DET1: variants seen among roughly 807,000 people sequenced by gnomAD.
The protein encoded by DET1 is DET1 partner of COP1 E3 ubiquitin ligase, also known as DET1 homolog.
A neutral mutation model predicts 43.7 loss-of-function variants in DET1; 22 were observed. That is an observed-to-expected ratio of 0.50 (90% confidence interval 0.36 to 0.72). The LOEUF (loss-of-function observed/expected upper bound fraction) is 0.72. Ranked by LOEUF, DET1 falls within the 30% of genes least tolerant of loss-of-function variation. DET1 has a pLI of 0.00. For missense variants in DET1, 713 were observed against 713.3 expected (o/e 1.00, Z 0.00); for synonymous variants, 315 against 266.2 (o/e 1.18, Z -1.79).
chr15:88,512,480 T>C lies in DET1; in HGVS notation c.*471A>G. Reference sequence around the variant, plus strand: ...TAAAGCAGTCATCCAACCACATATATTTAAGTATGAAAATACCATGGCTTT... The same window carrying C: ...TAAAGCAGTCATCCAACCACATATACTTAAGTATGAAAATACCATGGCTTT... On this transcript the variant is annotated 3_prime_UTR_variant, in exon 5 of 5. Transcript: ENST00000268148. The C allele has an allele frequency of 1.0e-6, 1 of 986,908 alleles. No individual in the cohort carries two copies. The highest frequency in any genetic ancestry group is 1.2e-6 in the Non-Finnish European group (1 of 830,702). The allele number at this position is 986,908 out of a possible 1,614,324, so 61.1% of individuals were successfully genotyped here. A position where few individuals can be genotyped will look rare whatever the true frequency, so the allele number is the denominator to read the frequency against.
chr15:88,540,495 C>G (rs1054007098), intron 1 of DET1, among the ~76,000 whole-genome samples: 1 of 151,982 alleles, frequency 6.6e-6, no homozygotes, highest in African/African-American at 2.4e-5. Context: ...ACACTTCCTC[C>G]CAGCCTTGCA....
chr15:88,522,514 T>TTTTTTTTTTTTTTTTTTTTG (rs1444345562), intron 3 of DET1, among the ~76,000 whole-genome samples: 7 of 126,450 alleles, frequency 5.5e-5, no homozygotes, highest in African/African-American at 2.4e-4. Context: ...TGTTCCTGGT[T>TTTTTTTTTTTTTTTTTTTTG]TTTTTTTTTT....
chr15:88,540,390 GC>G (rs2057075054), intron 1 of DET1, among the ~76,000 whole-genome samples: 1 of 151,634 alleles, frequency 6.6e-6, no homozygotes, highest in Non-Finnish European at 1.5e-5. Context: ...TGATACTCCA[GC>G]CCCCCAGGGA....
intron 2 of DET1, among the ~76,000 whole-genome samples, chr15:88,528,787 G>C (rs963522143): frequency 6.6e-6 from 1 of 152,208 alleles, no homozygotes; most frequent in Non-Finnish European, 1.5e-5. Flanking sequence ...AATTTCTGGA[G>C]CCATTCGACC....
chr15:88,537,737 T>C (rs2056990588), intron 1 of DET1, among the ~76,000 whole-genome samples: 1 of 152,192 alleles, frequency 6.6e-6, no homozygotes, highest in Non-Finnish European at 1.5e-5. Flanking sequence ...ACTGGACCTG[T>C]CTAACGGGAA....
chr15:88,507,826 C>T (rs1363051533), downstream of DET1, among the ~76,000 whole-genome samples: 3 of 152,182 alleles, frequency 2.0e-5, no homozygotes, highest in African/African-American at 4.8e-5. Context: ...TTACCTAGAA[C>T]AGGGGTCCCT....
chr15:88,516,979 T>A lies in DET1; in HGVS notation c.1272-6A>T. On this transcript the variant is annotated splice_region_variant and splice_polypyrimidine_tract_variant and intron_variant, in intron 3 of 4. Transcript: ENST00000268148. This position sits in a 1 kb window ranked among gnomAD's most constrained non-coding sequence, Gnocchi z 4.4. ...TTATAATAGTGTCTTTGAACCTAAA[T>A]GAAAGGACCGGTGAGGAAGGCTTTG... is the stretch of plus-strand genomic sequence containing the variant. The A allele has an allele frequency of 6.4e-7, 1 of 1,568,570 alleles. No individual in the cohort carries two copies. Among genetic ancestry groups the A allele is most frequent in the Non-Finnish European group, 8.6e-7 (1 of 1,160,466 alleles).
At chr15:88,510,771 GTTT>G (rs72302105), downstream of DET1, among the ~76,000 whole-genome samples, 1 of 132,964 alleles carries the variant, frequency 7.5e-6, no homozygotes, top group East Asian at 2.2e-4. Context: ...TTTTTTTTTT[GTTT>G]TTTTTTTTTT....
downstream of DET1, among the ~76,000 whole-genome samples, chr15:88,510,964 G>T (rs143047653): frequency 5.4e-3 from 826 of 152,030 alleles, 10 homozygotes; most frequent in African/African-American, 0.019. Flanking sequence ...AGTAGAGACA[G>T]GGTTTCACCG....
In DET1 at chr15:88,527,655, T is replaced by C. The variant is rs779346359; in HGVS notation, c.1215A>G (p.Glu405=). The part of the protein sequence containing the change: ...DLFRNATLHS[E]VQFPCSASSN... ...TAGAAGCTGAGCAGGGAAACTGAAC[T>C]TCACTGTGCAGGGTAGCATTACGAA... Residue 405 remains glutamate, a synonymous_variant, in exon 3 of 5, where the codon GAA becomes GAG. Transcript: ENST00000268148. 1.2e-6 allele frequency: 2 copies of C among 1,612,890 alleles called. No homozygotes were observed. Among genetic ancestry groups the C allele is most frequent in the Non-Finnish European group, 8.5e-7 (1 of 1,179,404 alleles).
At chr15:88,515,572 C>T (rs72761961) in intron 4 of DET1, among the ~76,000 whole-genome samples, 9,314 of 88,912 alleles carry the variant, frequency 0.1, 1,055 homozygotes, top group East Asian at 0.56. Flanking sequence ...AAAAAAAGAC[C>T]GAAGGGACCA....
intron 3 of DET1, among the ~76,000 whole-genome samples, chr15:88,517,224 GT>G (rs397854316): frequency 0.012 from 1,594 of 129,602 alleles, 18 homozygotes; most frequent in Middle Eastern, 0.043. Context: ...TGGGTTTTGG[GT>G]TTTTTTTTTT....
intron 3 of DET1, among the ~76,000 whole-genome samples, chr15:88,522,512 G>GTGTTTTTTTTTTTT (rs2056520017): frequency 1.2e-5 from 1 of 80,258 alleles, no homozygotes; most frequent in African/African-American, 5.2e-5. Flanking sequence ...AATGTTCCTG[G>GTGTTTTTTTTTTTT]TTTTTTTTTT....
chr15:88,502,190 T>G (rs2056095235), intron 8 of DET1: 1 of 152,176 alleles, frequency 6.6e-6, no homozygotes, highest in Admixed American at 6.5e-5. Context: ...AACAGAAACT[T>G]TTAAAGACTA....
At chr15:88,520,829 T>C (rs1160051531) in intron 3 of DET1, among the ~76,000 whole-genome samples, 4 of 152,224 alleles carry the variant, frequency 2.6e-5, no homozygotes, top group Non-Finnish European at 5.9e-5. Context: ...GATACATCAG[T>C]TGACAGTAAA....
At position 88,531,253 on chromosome 15, in the gene DET1, G is replaced by T. The variant is rs2056806084; in HGVS notation, c.453C>A (p.Cys151Ter). 1 of 1,613,842 alleles carries T rather than the reference G, an allele frequency of 6.2e-7. No homozygotes were observed. The highest frequency in any genetic ancestry group is 1.1e-5 in the South Asian group (1 of 91,072). The change falls in exon 2 of 5, where the codon TGC (cysteine) becomes TGA (stop). Residue 151 changes from cysteine to a stop codon, truncating the protein, a stop_gained. Transcript: ENST00000268148. LOFTEE classifies it high-confidence loss of function. The surrounding 1 kb of genome is among the most constrained non-coding windows in gnomAD (Gnocchi z 6.2). Reference sequence around the variant, plus strand: ...CAGCTGAGCCCACGATGACACAGCGGCAGTCATCAGTGAAGAGACTACACT... The same window carrying T: ...CAGCTGAGCCCACGATGACACAGCGTCAGTCATCAGTGAAGAGACTACACT... Reference protein sequence around the residue: ...NRECSLFTDDCRCVIVGSAAY... With the variant: ...NRECSLFTDD
At chr15:88,529,473 A>T (rs2056755360) in intron 2 of DET1, among the ~76,000 whole-genome samples, 3 of 152,184 alleles carry the variant, frequency 2.0e-5, no homozygotes. Flanking sequence ...ATTGATAGGG[A>T]AGAAAAAAAA....
intron 1 of DET1, among the ~76,000 whole-genome samples, chr15:88,534,089 T>C (rs961986462): frequency 1.2e-4 from 18 of 152,124 alleles, no homozygotes; most frequent in African/African-American, 4.1e-4. Context: ...TTACAATCAG[T>C]TAAGACGGTA....
Position 88,531,992 on chromosome 15 carries a change from A to G in DET1, c.-10-277T>C. ...GTTCAACAGAAAAAAACCTACAACT[A>G]CAAATTTGAACAGTATAAGACACAT... On this transcript the variant is annotated intron_variant, in intron 1 of 4. Transcript: ENST00000268148. The surrounding 1 kb of genome is among the most constrained non-coding windows in gnomAD (Gnocchi z 6.2). 1 of 387,624 alleles carries G rather than the reference A, an allele frequency of 2.6e-6. No individual in the cohort carries two copies. Among genetic ancestry groups the G allele is most frequent in the Middle Eastern group, 7.5e-4 (1 of 1,338 alleles). The allele number at this position is 387,624 out of a possible 1,614,324, so 24.0% of individuals were successfully genotyped here. A position where few individuals can be genotyped will look rare whatever the true frequency, so the allele number is the denominator to read the frequency against.
Sources: gnomAD v4.1 joint callset for allele counts (sites outside exome capture counted in the v4.1 genomes callset) on GRCh38, gnomAD v4.1.1 for gene constraint, Gnocchi (gnomAD v3.1) non-coding constraint, MANE v1.5 for transcripts, NCBI Gene and HGNC (gene_info 2026-07-23, HGNC 2026-07-21) for gene names.